Variants in CSMD1 observed in about 807,000 individuals in gnomAD.
CSMD1 encodes CUB and Sushi multiple domains 1.
A neutral mutation model predicts 417.5 loss-of-function variants in CSMD1; 213 were observed. The ratio of observed to expected loss-of-function variants is 0.51; its 90% CI spans 0.46 to 0.57. The LOEUF is 0.57. CSMD1 is among the 20% of genes least tolerant of loss of function. CSMD1 has a pLI of 0.00. For synonymous variants in CSMD1, 2,862 were observed against 1,736.8 expected, an observed-to-expected ratio of 1.65 and a Z score of -16.11; for missense variants, 6,923 against 4,529.7, an observed-to-expected ratio of 1.53 and a Z score of -15.17.
At chr8:4,563,980 C>G (rs1429104880) in intron 2 of CSMD1, among the ~76,000 whole-genome samples, 2 of 152,190 alleles carry the variant, frequency 1.3e-5, no homozygotes, top group Non-Finnish European at 2.9e-5. Context: ...TGTTGAACAT[C>G]TGCAGATTCC....
chr8:4,593,145 G>A (rs896031322), intron 2 of CSMD1, among the ~76,000 whole-genome samples: 1 of 152,132 alleles, frequency 6.6e-6, no homozygotes, highest in Non-Finnish European at 1.5e-5. Context: ...GGATGCTGAG[G>A]TCTCAGCATT....
intron 1 of CSMD1, among the ~76,000 whole-genome samples, chr8:4,935,935 T>A (rs1807590283): frequency 6.6e-6 from 1 of 152,192 alleles, no homozygotes; most frequent in African/African-American, 2.4e-5. Context: ...ACGCTGCCGC[T>A]CAGAACAGTT....
chr8:3,361,759 T>G (rs969416808), intron 20 of CSMD1, among the ~76,000 whole-genome samples: 4 of 151,906 alleles, frequency 2.6e-5, no homozygotes, highest in Non-Finnish European at 5.9e-5. Context: ...AACACCATGA[T>G]CTTATGGTTC....
rs1812451838 is a variant in CSMD1, at chr8:3,407,899, T to C, written c.2071A>G (p.Thr691Ala). 1.2e-6 allele frequency: 2 copies of C among 1,600,526 alleles called. No individual in the cohort carries two copies. Among genetic ancestry groups the C allele is most frequent in the Admixed American group, 1.7e-5 (1 of 59,222 alleles). ...GTGTTGACTGTGTGGGCGTACTTAC[T>C]GGTGTAAGTGATGTTGAACCCTCTG... ...TGRGFNITYT[T>A]FGQNECHDPG... Residue 691 changes from threonine (T) to alanine (A), a missense_variant and splice_region_variant, in exon 14 of 70, where the codon ACA becomes GCA. Transcript: ENST00000635120.
At position 4,254,342 on chromosome 8, in the gene CSMD1, C is replaced by T. The variant is rs78542910; in HGVS notation, c.415+165611G>A. ...TGATAACATTCGTTCTATGGAGAGTCTGCTTGTATAGGGAAGTACAGTAAT... is the reference window on the plus strand; with the variant it reads ...TGATAACATTCGTTCTATGGAGAGTTTGCTTGTATAGGGAAGTACAGTAAT... On this transcript the variant is annotated intron_variant, in intron 3 of 69. Transcript: ENST00000635120. 6.9e-3 allele frequency among the ~76,000 whole-genome samples: 1,049 copies of T among 152,216 alleles called. 18 individuals carry two copies. Among genetic ancestry groups the T allele is most frequent in the African/African-American group, 0.024 (1,001 of 41,510 alleles).
intron 37 of CSMD1, among the ~76,000 whole-genome samples, chr8:3,165,073 T>C (rs1021870547): frequency 1.3e-5 from 2 of 151,948 alleles, no homozygotes; most frequent in African/African-American, 2.4e-5. Flanking sequence ...TGACCGGTGT[T>C]TAACATGGCC....
chr8:4,312,436 T>TATATATATACGTGTATATATATAC (rs1563435289), intron 3 of CSMD1, among the ~76,000 whole-genome samples: 1 of 116,912 alleles, frequency 8.6e-6, no homozygotes. Context: ...TATATATATA[T>TATATATATACGTGTATATATATAC]GCGTATATAT....
At chr8:3,232,815 G>A (rs557599778) in intron 26 of CSMD1, among the ~76,000 whole-genome samples, 32 of 151,240 alleles carry the variant, frequency 2.1e-4, no homozygotes, top group African/African-American at 7.5e-4. Flanking sequence ...ATTTTTTCTC[G>A]TGCTTTTATT....
chr8:4,352,452 G>T (rs980148901), intron 3 of CSMD1, among the ~76,000 whole-genome samples: 10 of 152,100 alleles, frequency 6.6e-5, no homozygotes, highest in Non-Finnish European at 1.2e-4. Context: ...AATCTTTAAA[G>T]AATAGAAAGT....
chr8:4,362,649 TC>T (rs1195269222), intron 3 of CSMD1, among the ~76,000 whole-genome samples: 1 of 152,160 alleles, frequency 6.6e-6, no homozygotes, highest in African/African-American at 2.4e-5. Flanking sequence ...TCTACTGGCC[TC>T]AAGAAGGAAA....
At chr8:3,804,360 A>C (rs902572314) in intron 5 of CSMD1, among the ~76,000 whole-genome samples, 2 of 152,234 alleles carry the variant, frequency 1.3e-5, no homozygotes, top group Non-Finnish European at 2.9e-5. Context: ...AGTATCAAAA[A>C]TACCCAGTGT....
chr8:4,157,805 T>G (rs1796917925), intron 3 of CSMD1, among the ~76,000 whole-genome samples: 1 of 152,318 alleles, frequency 6.6e-6, no homozygotes, highest in South Asian at 2.1e-4. Flanking sequence ...CCCAGGGCCT[T>G]GGTCCAGCTT....
At chr8:3,266,023 G>A (rs570698800) in intron 26 of CSMD1, among the ~76,000 whole-genome samples, 1 of 151,952 alleles carries the variant, frequency 6.6e-6, no homozygotes, top group Non-Finnish European at 1.5e-5. Flanking sequence ...ACAGGTTCAT[G>A]AGGTAGACAT....
chr8:3,958,553 G>T (rs1432600793), intron 5 of CSMD1, among the ~76,000 whole-genome samples: 4 of 152,006 alleles, frequency 2.6e-5, no homozygotes, highest in African/African-American at 9.7e-5. Flanking sequence ...ATTTACTGAG[G>T]TATCAATTTA....
chr8:3,243,583 G>T (rs1799685728), intron 26 of CSMD1, among the ~76,000 whole-genome samples: 1 of 152,038 alleles, frequency 6.6e-6, no homozygotes, highest in South Asian at 2.1e-4. Context: ...ATCAGTTAAG[G>T]CAGGAACAGG....
Position 3,698,321 on chromosome 8 carries a change from G to A in CSMD1, c.1009+10093C>T, listed in dbSNP as rs562927768. 2.0e-4 allele frequency among the ~76,000 whole-genome samples: 31 copies of A among 152,264 alleles called. No individual in the cohort carries two copies. In the Middle Eastern group the frequency reaches 0.014, roughly 67 times the overall value. On this transcript the variant is annotated intron_variant, in intron 7 of 69. Coordinates refer to ENST00000635120, the MANE Select transcript of CSMD1 (RefSeq NM_033225.6). Reference sequence around the variant, plus strand: ...TTGTTTTATATGGAGATGGGTCTTTGCTAAGAAAACAGGGTCTTTAACAAT... The same window carrying A: ...TTGTTTTATATGGAGATGGGTCTTTACTAAGAAAACAGGGTCTTTAACAAT...
chr8:3,155,658 C>G (rs563254684), intron 39 of CSMD1, among the ~76,000 whole-genome samples: 1 of 151,170 alleles, frequency 6.6e-6, no homozygotes. Context: ...TGAGCCACCG[C>G]GCCCGGTCAA....
chr8:4,184,231 A>C (rs921362395), intron 3 of CSMD1, among the ~76,000 whole-genome samples: 1 of 152,198 alleles, frequency 6.6e-6, no homozygotes, highest in African/African-American at 2.4e-5. Context: ...AAGCAGAGAC[A>C]ATATATTTAT....
chr8:4,489,116 C>T (rs1154084), intron 2 of CSMD1, among the ~76,000 whole-genome samples: 24,968 of 151,928 alleles, frequency 0.16, 3,721 homozygotes, highest in African/African-American at 0.38. Flanking sequence ...TTCACCATGT[C>T]GGCCAGGCTG....
Sources: gnomAD v4.1 joint callset for allele counts (sites outside exome capture counted in the v4.1 genomes callset) on GRCh38, gnomAD v4.1.1 for gene constraint, MANE v1.5 for transcripts, NCBI Gene and HGNC (gene_info 2026-07-23, HGNC 2026-07-21) for gene names.